The following TTC6 variants were observed in gnomAD, a reference collection of about 807,000 sequenced individuals.
The protein encoded by TTC6 is tetratricopeptide repeat domain 6.
Under a neutral mutation model 210.4 loss-of-function variants are expected in TTC6, and 172 were observed. The observed-to-expected ratio is 0.82, with a 90% CI of 0.72 to 0.93. The LOEUF is 0.93. TTC6 is among the 40% of genes least tolerant of loss of function. The pLI, the probability that TTC6 is intolerant of heterozygous loss-of-function variation, is 0.00. For synonymous variants in TTC6, 804 were observed against 819.6 expected, an observed-to-expected ratio of 0.98 and a Z score of 0.32; for missense variants, 2,414 against 2,318.1, an observed-to-expected ratio of 1.04 and a Z score of -0.85.
At chr14:37,817,154 T>C (rs562825451) in intron 25 of TTC6, among the ~76,000 whole-genome samples, 4 of 152,268 alleles carry the variant, frequency 2.6e-5, no homozygotes, top group Admixed American at 6.5e-5. Flanking sequence ...TGTCCTATAG[T>C]CACATAACAT....
At chr14:37,629,437 G>A (rs990714435) in intron 1 of TTC6, among the ~76,000 whole-genome samples, 2 of 152,054 alleles carry the variant, frequency 1.3e-5, no homozygotes, top group African/African-American at 2.4e-5. Context: ...GAATGCTTGT[G>A]ATTTTTGCAT....
chr14:37,658,461 G>C (rs1374370235), intron 1 of TTC6, among the ~76,000 whole-genome samples: 1 of 152,084 alleles, frequency 6.6e-6, no homozygotes, highest in African/African-American at 2.4e-5. Context: ...GGGCATTTTG[G>C]GTTTGTCTGA....
At chr14:37,770,834 G>A (rs1248206584) in intron 14 of TTC6, among the ~76,000 whole-genome samples, 1 of 149,496 alleles carries the variant, frequency 6.7e-6, no homozygotes, top group Non-Finnish European at 1.5e-5. Flanking sequence ...GTGTGAATTT[G>A]ATCCTGTCAT....
intron 29 of TTC6, among the ~76,000 whole-genome samples, chr14:37,835,155 C>T (rs1051256634): frequency 1.3e-5 from 2 of 152,004 alleles, no homozygotes; most frequent in Non-Finnish European, 2.9e-5. Context: ...GCAGTGAGGG[C>T]GGTAGGCTGG....
At chr14:37,756,936 C>T (rs2095969715) in intron 14 of TTC6, among the ~76,000 whole-genome samples, 1 of 152,188 alleles carries the variant, frequency 6.6e-6, no homozygotes, top group Non-Finnish European at 1.5e-5. Flanking sequence ...ACTAGCTTCT[C>T]TTTGTACCTC....
chr14:37,714,635 T>C lies in TTC6; in HGVS notation c.1572-20T>C, dbSNP rs891745057. 4.6e-6 allele frequency: 7 copies of C among 1,528,492 alleles called. No individual in the cohort carries two copies. Among genetic ancestry groups the C allele is most frequent in the Middle Eastern group, 1.7e-4 (1 of 5,928 alleles). The allele number at this position is 1,528,492 out of a possible 1,614,324, so 94.7% of individuals were successfully genotyped here. A position where few individuals can be genotyped will look rare whatever the true frequency, so the allele number is the denominator to read the frequency against. Reference sequence around the variant, plus strand: ...GTCAATTACTTAAAAAGCAAACTTATTGTTCTTATCACATTGTAGAATATT... The same window carrying C: ...GTCAATTACTTAAAAAGCAAACTTACTGTTCTTATCACATTGTAGAATATT... On this transcript the variant is annotated intron_variant, in intron 5 of 30. Transcript: ENST00000553443.
chr14:37,787,838 T>C (rs1283382411), intron 15 of TTC6, among the ~76,000 whole-genome samples: 3 of 152,106 alleles, frequency 2.0e-5, no homozygotes, highest in African/African-American at 7.2e-5. Flanking sequence ...TATATAGCTA[T>C]AATGGTTTAG....
At chr14:37,668,121 T>G (rs534433700) in intron 1 of TTC6, among the ~76,000 whole-genome samples, 1 of 149,588 alleles carries the variant, frequency 6.7e-6, no homozygotes, top group Non-Finnish European at 1.5e-5. Context: ...GGCGACAGTG[T>G]GAGACTTCAT....
At chr14:37,612,078 T>C (rs2095635731) in intron 2 of TTC6, among the ~76,000 whole-genome samples, 1 of 152,192 alleles carries the variant, frequency 6.6e-6, no homozygotes, top group South Asian at 2.1e-4. Context: ...TTATATTCAG[T>C]AAGTTGCACA....
At chr14:37,704,707 C>T (rs938896839) in intron 5 of TTC6, among the ~76,000 whole-genome samples, 1 of 151,850 alleles carries the variant, frequency 6.6e-6, no homozygotes, top group Non-Finnish European at 1.5e-5. Context: ...TTTATGCTAT[C>T]AGAAATTTTT....
intron 1 of TTC6, among the ~76,000 whole-genome samples, chr14:37,642,009 A>G (rs1178308930): frequency 6.6e-6 from 1 of 152,206 alleles, no homozygotes; most frequent in Non-Finnish European, 1.5e-5. Flanking sequence ...ATACATGCAG[A>G]TGGCACTTTG....
chr14:37,820,286 G>C (rs1258188723), intron 26 of TTC6, among the ~76,000 whole-genome samples: 2 of 152,210 alleles, frequency 1.3e-5, no homozygotes, highest in Admixed American at 6.5e-5. Context: ...CGGCTTTGAG[G>C]AGCTTGCTAG....
chr14:37,658,818 A>G (rs909982982), intron 1 of TTC6, among the ~76,000 whole-genome samples: 1 of 152,190 alleles, frequency 6.6e-6, no homozygotes, highest in African/African-American at 2.4e-5. Flanking sequence ...CAGGTTCATT[A>G]TACAGATAAA....
intron 14 of TTC6, among the ~76,000 whole-genome samples, chr14:37,782,991 G>A (rs956699942): frequency 3.3e-5 from 5 of 152,168 alleles, no homozygotes; most frequent in Non-Finnish European, 5.9e-5. Flanking sequence ...CTTGAACATG[G>A]TGGATAAGCT....
chr14:37,739,946 G>C (rs888497569), intron 10 of TTC6, among the ~76,000 whole-genome samples: 5 of 152,074 alleles, frequency 3.3e-5, no homozygotes, highest in African/African-American at 7.2e-5. Flanking sequence ...GACAGATCAC[G>C]AGGTCAGGAG....
intron 24 of TTC6, among the ~76,000 whole-genome samples, chr14:37,809,798 C>G (rs1566968098): frequency 6.6e-6 from 1 of 152,176 alleles, no homozygotes; most frequent in African/African-American, 2.4e-5. Context: ...CTACTCTCTT[C>G]TCTCCTGTCG....
rs147112363 is a variant in TTC6 at position 37,600,603 on chromosome 14, G to A, written c.-235+4595G>A. Among the ~76,000 whole-genome samples the A allele has an allele frequency of 7.9e-3, 1,196 of 152,238 alleles. 6 individuals are homozygous for A. The highest frequency in any genetic ancestry group is 0.011 in the Non-Finnish European group (734 of 68,024). ...TCAAATTACATGGCACTATTTAACA[G>A]ATGCTTTAATAAGAATCATATGCCA... On this transcript the variant is annotated intron_variant, in intron 1 of 2. Coordinates refer to the TTC6 transcript ENST00000556845.
chr14:37,629,059 T>G (rs543921339), intron 1 of TTC6, among the ~76,000 whole-genome samples: 9 of 152,324 alleles, frequency 5.9e-5, no homozygotes, highest in African/African-American at 1.2e-4. Context: ...AGCTTTATTC[T>G]TTTTGCTTAG....
intron 1 of TTC6, among the ~76,000 whole-genome samples, chr14:37,637,937 A>T (rs2139370901): frequency 6.6e-6 from 1 of 152,342 alleles, no homozygotes; most frequent in South Asian, 2.1e-4. Flanking sequence ...TTTCTTAAAA[A>T]AGTAAGCATG....
Sources: gnomAD v4.1 joint callset for allele counts (sites outside exome capture counted in the v4.1 genomes callset) on GRCh38, gnomAD v4.1.1 for gene constraint, MANE v1.5 for transcripts, NCBI Gene and HGNC (gene_info 2026-07-23, HGNC 2026-07-21) for gene names.